TDRD3: variants seen among roughly 807,000 people sequenced by gnomAD.
TDRD3 encodes the protein tudor domain-containing protein 3.
Under a neutral mutation model 86.7 loss-of-function variants are expected in TDRD3, and 45 were observed. That is an observed-to-expected ratio of 0.52 (90% CI 0.41 to 0.67). TDRD3 has a LOEUF of 0.67. Among genes scored for constraint, TDRD3 ranks in the 30% least tolerant of loss-of-function variants. The probability of loss-of-function intolerance (pLI) is 0.00; values close to 1 mark genes in which losing one functional copy is unlikely to be tolerated. For missense variants in TDRD3, 814 were observed against 889.0 expected, an observed-to-expected ratio of 0.92 and a Z score of 1.07; for synonymous variants, 298 against 301.7, an observed-to-expected ratio of 0.99 and a Z score of 0.13.
At chr13:60,448,197 C>A (rs1370173867) in intron 3 of TDRD3, among the ~76,000 whole-genome samples, 1 of 152,090 alleles carries the variant, frequency 6.6e-6, no homozygotes, top group Non-Finnish European at 1.5e-5. Flanking sequence ...GCTGATAGAT[C>A]TGTCATCAGG....
chr13:60,507,820 A>G (rs1389036878), intron 8 of TDRD3, among the ~76,000 whole-genome samples: 1 of 152,222 alleles, frequency 6.6e-6, no homozygotes, highest in African/African-American at 2.4e-5. Flanking sequence ...ATAGGAAGAG[A>G]GGAAGTCAAA....
chr13:60,470,629 G>A (rs1334903637), intron 5 of TDRD3, among the ~76,000 whole-genome samples: 1 of 147,226 alleles, frequency 6.8e-6, no homozygotes, highest in Non-Finnish European at 1.5e-5. Flanking sequence ...TGTTGCCCAG[G>A]CTGGAGTACA....
At chr13:60,450,414 G>T (rs1955508400) in intron 3 of TDRD3, among the ~76,000 whole-genome samples, 1 of 152,140 alleles carries the variant, frequency 6.6e-6, no homozygotes, top group Admixed American at 6.5e-5. Flanking sequence ...GCATGAGATA[G>T]ATCCGAATTG....
intron 1 of TDRD3, among the ~76,000 whole-genome samples, chr13:60,415,020 A>C (rs1451639132): frequency 6.6e-6 from 1 of 152,114 alleles, no homozygotes; most frequent in African/African-American, 2.4e-5. Flanking sequence ...GTTTGTTCTT[A>C]GATATCAAAA....
intron 8 of TDRD3, 130 bp from the exon 9 acceptor site, chr13:60,509,633 G>T: frequency 8.8e-7 from 1 of 1,140,470 alleles, no homozygotes; most frequent in Non-Finnish European, 1.3e-6. Context: ...GCAAGAGAAT[G>T]TTGTATTAGA....
intron 7 of TDRD3, among the ~76,000 whole-genome samples, chr13:60,489,435 A>G (rs1416577381): frequency 6.6e-6 from 1 of 152,170 alleles, no homozygotes; most frequent in Non-Finnish European, 1.5e-5. Flanking sequence ...TCTTCCCGCA[A>G]TGTCTTTCTG....
chr13:60,510,626 A>G lies in TDRD3; in HGVS notation c.1016-4A>G. On this transcript the variant is annotated splice_polypyrimidine_tract_variant and splice_region_variant and intron_variant, in intron 9 of 13. Transcript: ENST00000377881. Reference sequence around the variant, plus strand: ...GTACATATTTCTTGCTTTTGCATCTAAAGGTAGAGGAAAAGGCAGGGGGCG... The same window carrying G: ...GTACATATTTCTTGCTTTTGCATCTGAAGGTAGAGGAAAAGGCAGGGGGCG... 6.3e-7 allele frequency: 1 copy of G among 1,591,130 alleles called. No homozygotes were observed. Among genetic ancestry groups the G allele is most frequent in the Non-Finnish European group, 8.5e-7 (1 of 1,170,336 alleles).
At chr13:60,400,454 A>G (rs1954062932) in intron 1 of TDRD3, among the ~76,000 whole-genome samples, 1 of 152,280 alleles carries the variant, frequency 6.6e-6, no homozygotes, top group Admixed American at 6.5e-5. Context: ...TTGAAAATGT[A>G]TCTTCTGGCT....
At chr13:60,571,570 C>T (rs539738835) in intron 13 of TDRD3, among the ~76,000 whole-genome samples, 1 of 152,232 alleles carries the variant, frequency 6.6e-6, no homozygotes, top group South Asian at 2.1e-4. Flanking sequence ...CATAGGTTTT[C>T]TTTTTATGTT....
chr13:60,509,853 G>A lies in TDRD3; in HGVS notation c.949G>A (p.Glu317Lys), dbSNP rs1192542928. 1.9e-6 allele frequency: 3 copies of A among 1,613,898 alleles called. No homozygotes were observed. Among genetic ancestry groups the A allele is most frequent in the Non-Finnish European group, 2.5e-6 (3 of 1,179,782 alleles). Residue 317 changes from glutamate to lysine, a missense_variant, in exon 9 of 14, where the codon GAA (glutamate) becomes AAA (lysine). Coordinates refer to ENST00000377881, the MANE Select transcript of TDRD3 (RefSeq NM_001146070.2). ...QALMDNGNNL[E>K]AALNVLLTSN... ...TCTTATGGATAATGGCAACAACTTA[G>A]AAGCAGCACTGAACGTACTTCTTAC...
intron 1 of TDRD3, among the ~76,000 whole-genome samples, chr13:60,409,879 G>C (rs1954317319): frequency 1.3e-5 from 2 of 152,164 alleles, no homozygotes; most frequent in Admixed American, 6.6e-5. Flanking sequence ...AGGGGCCAGG[G>C]TTGGAATGAT....
At chr13:60,480,359 G>A (rs1032813450) in intron 5 of TDRD3, among the ~76,000 whole-genome samples, 11 of 152,206 alleles carry the variant, frequency 7.2e-5, no homozygotes, top group African/African-American at 2.4e-4. Context: ...GCTGAAAGGT[G>A]TGCTGTTAGC....
intron 4 of TDRD3, among the ~76,000 whole-genome samples, chr13:60,462,972 T>C (rs546475726): frequency 1.6e-4 from 25 of 152,254 alleles, no homozygotes; most frequent in Middle Eastern, 3.4e-3. Flanking sequence ...CACATACTTA[T>C]AGCCAACTCA....
At chr13:60,421,070 A>G (rs1300585878) in intron 1 of TDRD3, among the ~76,000 whole-genome samples, 3 of 152,218 alleles carry the variant, frequency 2.0e-5, no homozygotes, top group Admixed American at 6.5e-5. Flanking sequence ...ACTGATAACA[A>G]TTAGTGTGAG....
intron 11 of TDRD3, among the ~76,000 whole-genome samples, chr13:60,530,462 C>T (rs1246947839): frequency 6.6e-6 from 1 of 151,510 alleles, no homozygotes; most frequent in Non-Finnish European, 1.5e-5. Flanking sequence ...TTTTTTGAGA[C>T]GGAGTTTCAC....
At chr13:60,451,310 A>C (rs373725812) in intron 3 of TDRD3, among the ~76,000 whole-genome samples, 1 of 152,172 alleles carries the variant, frequency 6.6e-6, no homozygotes, top group African/African-American at 2.4e-5. Flanking sequence ...GTAATAGTTG[A>C]AGTTGCAGCA....
intron 5 of TDRD3, among the ~76,000 whole-genome samples, chr13:60,469,262 A>G (rs1465640735): frequency 6.6e-6 from 1 of 152,160 alleles, no homozygotes; most frequent in Non-Finnish European, 1.5e-5. Context: ...ATCTTTTCAT[A>G]TGTTGATATA....
At chr13:60,429,613 A>G (rs1954902442) in intron 1 of TDRD3, among the ~76,000 whole-genome samples, 1 of 152,176 alleles carries the variant, frequency 6.6e-6, no homozygotes, top group Non-Finnish European at 1.5e-5. Context: ...AAAAACTTTC[A>G]ATTGTAAAAC....
chr13:60,535,410 AAAATGAAT>A, intron 12 of TDRD3, 177 bp downstream of exon 12: 5 of 510,038 alleles, frequency 9.8e-6, no homozygotes, highest in Non-Finnish European at 1.5e-5. Context: ...AACTACAATA[AAAATGAAT>A]GCATTGAATT....
Sources: allele counts gnomAD v4.1 joint callset (sites outside exome capture counted in the v4.1 genomes callset), GRCh38; gene constraint gnomAD v4.1.1; transcripts MANE v1.5; gene names NCBI Gene and HGNC (gene_info 2026-07-23, HGNC 2026-07-21).